Variants in POU2F1 observed in about 807,000 individuals in gnomAD.
The protein encoded by POU2F1 is POU class 2 homeobox 1, also known as POU domain, class 2, transcription factor 1.
A neutral mutation model predicts 84.9 loss-of-function variants in POU2F1; 16 were observed. The observed-to-expected ratio is 0.19, with a 90% CI of 0.13 to 0.29. The LOEUF is 0.29. Among genes scored for constraint, POU2F1 ranks in the 10% least tolerant of loss-of-function variants. The probability of loss-of-function intolerance (pLI) is 1.00; values close to 1 mark genes in which losing one functional copy is unlikely to be tolerated. For synonymous variants in POU2F1, 368 were observed against 368.3 expected (o/e 1.00, Z 0.01); for missense variants, 738 against 942.6 (o/e 0.78, Z 2.84).
intron 1 of POU2F1, among the ~76,000 whole-genome samples, chr1:167,305,167 G>A (rs575820512): frequency 2.6e-5 from 4 of 151,864 alleles, no homozygotes; most frequent in Admixed American, 1.3e-4. Flanking sequence ...CCAAAAGAGG[G>A]TGGGGACACA....
At chr1:167,329,380 A>T in intron 1 of POU2F1, 2 of 1,482,142 alleles carry the variant, frequency 1.3e-6, no homozygotes, top group South Asian at 1.2e-5. Context: ...CTATGCATAA[A>T]TGCTTAATCG....
rs1443723538 is a variant in POU2F1, at chr1:167,413,126, C to A, written c.1990+12C>A. On this transcript the variant is annotated intron_variant, in intron 15 of 15. Coordinates refer to ENST00000367866, the MANE Select transcript of POU2F1 (RefSeq NM_002697.4). The stretch of plus-strand genomic sequence containing the variant: ...GGCAACTATTCAAGGTCAGTAGAAG[C>A]CTTTTTCTTAATTTGGTGGCATGCA... 1.9e-6 allele frequency: 3 copies of A among 1,598,312 alleles called. No individual in the cohort carries two copies. The highest frequency in any genetic ancestry group is 2.2e-5 in the South Asian group (2 of 90,660).
At chr1:167,280,356 T>C (rs1318673562) in intron 1 of POU2F1, among the ~76,000 whole-genome samples, 1 of 151,642 alleles carries the variant, frequency 6.6e-6, no homozygotes, top group Non-Finnish European at 1.5e-5. Context: ...TACTGTTATG[T>C]AGGGTTTTTT....
chr1:167,274,521 A>G (rs1652586405), intron 1 of POU2F1, among the ~76,000 whole-genome samples: 1 of 152,108 alleles, frequency 6.6e-6, no homozygotes, highest in South Asian at 2.1e-4. Context: ...TTCATTTTAA[A>G]TAGGTAGTTA....
At chr1:167,409,257 A>G (rs1182660461) in intron 13 of POU2F1, among the ~76,000 whole-genome samples, 2 of 152,212 alleles carry the variant, frequency 1.3e-5, no homozygotes, top group Non-Finnish European at 2.9e-5. Flanking sequence ...ATGGATATCC[A>G]GTTTATAAGT....
chr1:167,341,171 A>G (rs1232727644), intron 2 of POU2F1, among the ~76,000 whole-genome samples: 3 of 152,176 alleles, frequency 2.0e-5, no homozygotes, highest in Non-Finnish European at 2.9e-5. Context: ...CAGTATTCCA[A>G]TTCTTCAGAC....
intron 1 of POU2F1, among the ~76,000 whole-genome samples, chr1:167,301,725 C>T (rs1055143146): frequency 1.3e-5 from 2 of 152,108 alleles, no homozygotes; most frequent in Non-Finnish European, 2.9e-5. Context: ...CCTTACAGTT[C>T]CTGGTTGGGA....
intron 6 of POU2F1, among the ~76,000 whole-genome samples, chr1:167,375,693 CTG>C (rs1333045063): frequency 1.3e-5 from 2 of 152,146 alleles, no homozygotes; most frequent in Non-Finnish European, 2.9e-5. Flanking sequence ...TATTTAAAAA[CTG>C]TTTTCTCACT....
intron 1 of POU2F1, among the ~76,000 whole-genome samples, chr1:167,260,648 A>G (rs892740300): frequency 1.3e-5 from 2 of 152,184 alleles, no homozygotes; most frequent in African/African-American, 4.8e-5. Context: ...AAGCTCTGTC[A>G]TACAGAGTTT....
intron 15 of POU2F1, 121 bp from the exon 16 acceptor site, chr1:167,415,379 G>T: frequency 9.3e-7 from 1 of 1,076,652 alleles, no homozygotes. Flanking sequence ...ATTCAGTGAA[G>T]GGCTATACTT....
intron 1 of POU2F1, among the ~76,000 whole-genome samples, chr1:167,302,132 C>T: frequency 6.6e-6 from 1 of 152,058 alleles, no homozygotes; most frequent in East Asian, 1.9e-4. Context: ...AGGGCAGTGG[C>T]ACCATCTCGG....
At chr1:167,226,419 C>T (rs1473917534) in intron 1 of POU2F1, among the ~76,000 whole-genome samples, 2 of 152,088 alleles carry the variant, frequency 1.3e-5, no homozygotes, top group Admixed American at 1.3e-4. Context: ...CATTTTTGTG[C>T]ATTATTGACA....
In POU2F1 at chr1:167,334,524, C is replaced by T. The variant is rs534603152; in HGVS notation, c.127+1989C>T. On this transcript the variant is annotated intron_variant, in intron 2 of 15. Coordinates refer to ENST00000367866, the MANE Select transcript of POU2F1 (RefSeq NM_002697.4). ...ATTCGCAGCCCACATGTAAGTTTCC[C>T]CATGAAGTGCAATAAAATAAAACTG... Among the ~76,000 whole-genome samples, 4 of 152,176 alleles carry T rather than the reference C, an allele frequency of 2.6e-5. No individual in the cohort carries two copies. The South Asian group carries it at 8.3e-4, about 32-fold the overall frequency.
In POU2F1 at chr1:167,399,310, G is replaced by T. The variant is rs753770448; in HGVS notation, c.1394G>T (p.Ser465Ile). Residue 465 changes from serine (S) to isoleucine (I), a missense_variant, in exon 12 of 16, where the codon AGT (serine) becomes ATT (isoleucine). Transcript: ENST00000367866. ...GAAAAAAGAATCAACCCACCAAGCAGTGGTGGGACCAGCAGCTCACCTATT... is the reference window on the plus strand; with the variant it reads ...GAAAAAAGAATCAACCCACCAAGCATTGGTGGGACCAGCAGCTCACCTATT... Reference protein sequence around the residue: ...QKEKRINPPSSGGTSSSPIKA... With the variant: ...QKEKRINPPSIGGTSSSPIKA... 3 of 1,614,132 alleles carry T rather than the reference G, an allele frequency of 1.9e-6. No homozygotes were observed. Among genetic ancestry groups the T allele is most frequent in the Non-Finnish European group, 2.5e-6 (3 of 1,179,994 alleles).
chr1:167,295,674 A>C (rs1174230059), intron 1 of POU2F1, among the ~76,000 whole-genome samples: 1 of 152,194 alleles, frequency 6.6e-6, no homozygotes, highest in African/African-American at 2.4e-5. Context: ...TTTAGCCGTT[A>C]TTTTTGTGGA....
chr1:167,307,888 G>T (rs1655191213), intron 1 of POU2F1, among the ~76,000 whole-genome samples: 1 of 152,054 alleles, frequency 6.6e-6, no homozygotes, highest in Admixed American at 6.5e-5. Flanking sequence ...AAGTCTTTTT[G>T]ATTTCTAGGG....
intron 2 of POU2F1, among the ~76,000 whole-genome samples, chr1:167,358,686 A>ATATATTC (rs1166146655): frequency 2.3e-5 from 3 of 129,920 alleles, no homozygotes; most frequent in Non-Finnish European, 4.9e-5. Context: ...ACGCTTCACA[A>ATATATTC]TATATTCTTA....
chr1:167,375,722 T>G (rs1004400569), intron 6 of POU2F1, among the ~76,000 whole-genome samples: 2 of 152,212 alleles, frequency 1.3e-5, no homozygotes, highest in Non-Finnish European at 2.9e-5. Flanking sequence ...TTAAAACCCA[T>G]ATTGGTCTTT....
intron 14 of POU2F1, 97 bp from the exon 15 acceptor site, chr1:167,412,929 C>A: frequency 1.1e-6 from 1 of 911,916 alleles, no homozygotes. Flanking sequence ...CCTATTTCCC[C>A]AGCTGGATTT....
Sources: allele counts gnomAD v4.1 joint callset (sites outside exome capture counted in the v4.1 genomes callset), GRCh38; gene constraint gnomAD v4.1.1; transcripts MANE v1.5; gene names NCBI Gene and HGNC (gene_info 2026-07-23, HGNC 2026-07-21).